Variants in USP3 observed in about 807,000 individuals in gnomAD.
USP3 encodes the protein ubiquitin carboxyl-terminal hydrolase 3.
A neutral mutation model predicts 72.3 loss-of-function variants in USP3; 20 were observed. That is an observed-to-expected ratio of 0.28 (90% CI 0.19 to 0.40). The LOEUF (loss-of-function observed/expected upper bound fraction) is 0.40, where lower values mean the gene tolerates loss of function less well. Ranked by LOEUF, USP3 falls within the 10% of genes least tolerant of loss-of-function variation. The probability of loss-of-function intolerance (pLI) is 1.00; values close to 1 mark genes in which losing one functional copy is unlikely to be tolerated. For synonymous variants in USP3, 222 were observed against 225.3 expected (o/e 0.99, Z 0.13); for missense variants, 479 against 633.9 (o/e 0.76, Z 2.62).
At chr15:63,573,882 T>C (rs1467532593) in intron 9 of USP3, among the ~76,000 whole-genome samples, 164 bp from the exon 10 acceptor site, 1 of 152,226 alleles carries the variant, frequency 6.6e-6, no homozygotes, top group Non-Finnish European at 1.5e-5. Flanking sequence ...TGTGTCTGTA[T>C]GGTTTTGAAA....
At chr15:63,525,555 A>T (rs2065970725) in intron 1 of USP3, among the ~76,000 whole-genome samples, 1 of 152,124 alleles carries the variant, frequency 6.6e-6, no homozygotes. Flanking sequence ...GGATTACATT[A>T]TGGCTCAGTT....
intron 1 of USP3, among the ~76,000 whole-genome samples, chr15:63,522,125 C>G (rs2065928468): frequency 6.6e-6 from 1 of 152,230 alleles, no homozygotes; most frequent in African/African-American, 2.4e-5. Context: ...ATCCTCCTGC[C>G]TTGGCCTCCC....
At chr15:63,587,696 C>CA (rs2067101823) in intron 11 of USP3, 1 of 152,190 alleles carries the variant, frequency 6.6e-6, no homozygotes, top group Admixed American at 6.5e-5. Flanking sequence ...ATAATGTAAA[C>CA]AAGTGGGCAT....
intron 3 of USP3, among the ~76,000 whole-genome samples, chr15:63,538,203 G>A (rs2066188189): frequency 6.6e-6 from 1 of 152,092 alleles, no homozygotes; most frequent in Admixed American, 6.5e-5. Context: ...TTTAACTTTG[G>A]TGTGAAGCAA....
At chr15:63,580,439 G>A (rs1004904754) in intron 11 of USP3, among the ~76,000 whole-genome samples, 10 of 151,568 alleles carry the variant, frequency 6.6e-5, no homozygotes, top group Non-Finnish European at 1.5e-4. Flanking sequence ...TTAACTTAAT[G>A]TATACTTCCA....
chr15:63,525,332 AG>A (rs2065966793), intron 1 of USP3, among the ~76,000 whole-genome samples: 1 of 152,094 alleles, frequency 6.6e-6, no homozygotes, highest in East Asian at 1.9e-4. Flanking sequence ...TGGCTTCCCA[AG>A]CTCTATATTG....
intron 1 of USP3, among the ~76,000 whole-genome samples, chr15:63,516,943 A>G (rs2065858049): frequency 7.0e-6 from 1 of 143,682 alleles, no homozygotes; most frequent in Non-Finnish European, 1.5e-5. Context: ...TTCTTTCTGG[A>G]ACTCTTATTA....
chr15:63,508,134 A>G (rs184121715), intron 1 of USP3, among the ~76,000 whole-genome samples: 1 of 152,278 alleles, frequency 6.6e-6, no homozygotes, highest in Non-Finnish European at 1.5e-5. Context: ...GTAACATCTT[A>G]AATATTATGT....
Position 63,553,693 on chromosome 15 carries a change from T to C in USP3, c.285-22T>C, listed in dbSNP as rs2066466874. The C allele has an allele frequency of 1.2e-6, 2 of 1,606,932 alleles. No homozygotes were observed. On this transcript the variant is annotated intron_variant, in intron 3 of 14. Coordinates refer to ENST00000380324, the MANE Select transcript of USP3 (RefSeq NM_006537.4). This position sits in a 1 kb window ranked among gnomAD's most constrained non-coding sequence, Gnocchi z 4.2. ...GGTTTCCTCAAGCTCTTTACACACA[T>C]TGATTAATATTTTCCTTGCAGTTAT...
intron 11 of USP3, among the ~76,000 whole-genome samples, chr15:63,582,162 A>G (rs1228743868): frequency 3.3e-5 from 5 of 151,060 alleles, no homozygotes; most frequent in Non-Finnish European, 7.4e-5. Flanking sequence ...AGGGCCGGGT[A>G]TGGTGGCTCA....
In USP3 at chr15:63,570,389, G is replaced by T. The variant is rs1185423227; in HGVS notation, c.762-44G>T. 1.2e-6 allele frequency: 2 copies of T among 1,611,464 alleles called. No homozygotes were observed. The highest frequency in any genetic ancestry group is 1.7e-6 in the Non-Finnish European group (2 of 1,179,562). On this transcript the variant is annotated intron_variant, in intron 8 of 14. Coordinates refer to ENST00000380324, the MANE Select transcript of USP3 (RefSeq NM_006537.4). This position sits in a 1 kb window ranked among gnomAD's most constrained non-coding sequence, Gnocchi z 4.4. The stretch of plus-strand genomic sequence containing the variant: ...TCTTGCTGGTGTGGCTGGGCACAAA[G>T]AGCCCTCCACCCGGCCTTATAAGTG...
chr15:63,584,485 AACTGT>A (rs768406805), intron 11 of USP3, among the ~76,000 whole-genome samples: 2 of 152,216 alleles, frequency 1.3e-5, no homozygotes, highest in Non-Finnish European at 2.9e-5. Context: ...CCATCCTAGT[AACTGT>A]GAAGTAGTAT....
chr15:63,524,377 ATGC>A (rs1242760321), intron 1 of USP3, among the ~76,000 whole-genome samples: 1 of 152,186 alleles, frequency 6.6e-6, no homozygotes, highest in Admixed American at 6.5e-5. Context: ...GGTGTGGATG[ATGC>A]TGCATCACTG....
intron 1 of USP3, among the ~76,000 whole-genome samples, chr15:63,513,924 A>G (rs530017264): frequency 6.6e-6 from 1 of 152,336 alleles, no homozygotes; most frequent in African/African-American, 2.4e-5. Flanking sequence ...CAATGGTACA[A>G]ATTGCTGGTT....
chr15:63,569,220 A>G (rs1014116618), intron 8 of USP3, among the ~76,000 whole-genome samples: 1 of 152,204 alleles, frequency 6.6e-6, no homozygotes, highest in African/African-American at 2.4e-5. Flanking sequence ...GTACCTCCTT[A>G]GATATACAAA....
At chr15:63,533,208 G>GA (rs1412799337) in intron 2 of USP3, among the ~76,000 whole-genome samples, 1 of 151,838 alleles carries the variant, frequency 6.6e-6, no homozygotes, top group Non-Finnish European at 1.5e-5. Flanking sequence ...TTCTGGGAAA[G>GA]AAAAAAACCC....
rs1260756533 is a variant in USP3 at position 63,574,849 on chromosome 15, CTG to C, written c.1096+448_1096+449del. Among the ~76,000 whole-genome samples the C allele has an allele frequency of 3.3e-5, 5 of 152,204 alleles. No homozygotes were observed. Among genetic ancestry groups the C allele is most frequent in the Admixed American group, 1.3e-4 (2 of 15,286 alleles). On this transcript the variant is annotated intron_variant, in intron 11 of 14. Coordinates refer to ENST00000380324, the MANE Select transcript of USP3 (RefSeq NM_006537.4). This position sits in a 1 kb window ranked among gnomAD's most constrained non-coding sequence, Gnocchi z 4.6. ...TAAGCCTGAGGCCCTGCTTTTAAGA[CTG>C]TTAAAATTCACATGTATTTAGGGAG...
At chr15:63,585,614 T>C (rs576855882) in intron 11 of USP3, among the ~76,000 whole-genome samples, 1 of 152,270 alleles carries the variant, frequency 6.6e-6, no homozygotes, top group South Asian at 2.1e-4. Context: ...GAGCAAAAAT[T>C]TTTAATTTTA....
At chr15:63,584,956 C>A (rs909867007) in intron 11 of USP3, among the ~76,000 whole-genome samples, 1 of 152,060 alleles carries the variant, frequency 6.6e-6, no homozygotes, top group Non-Finnish European at 1.5e-5. Flanking sequence ...CAACTTAATT[C>A]TTCTGCATGT....
Sources: gnomAD v4.1 joint callset for allele counts (sites outside exome capture counted in the v4.1 genomes callset) on GRCh38, gnomAD v4.1.1 for gene constraint, Gnocchi (gnomAD v3.1) non-coding constraint, MANE v1.5 for transcripts, NCBI Gene and HGNC (gene_info 2026-07-23, HGNC 2026-07-21) for gene names.